The following SLIT2 variants were observed in gnomAD, a reference collection of about 807,000 sequenced individuals.
SLIT2 encodes the protein slit homolog 2 protein.
SLIT2 carries 41 observed loss-of-function variants against 185.7 expected under a neutral mutation model. The observed-to-expected ratio is 0.22, with a 90% CI of 0.17 to 0.29. The LOEUF is 0.29. Ranked by LOEUF, SLIT2 falls within the 10% of genes least tolerant of loss-of-function variation. SLIT2 has a pLI of 1.00. For synonymous variants in SLIT2, 693 were observed against 680.2 expected, an observed-to-expected ratio of 1.02 and a Z score of -0.29; for missense variants, 1,571 against 1,909.0, an observed-to-expected ratio of 0.82 and a Z score of 3.30.
intron 4 of SLIT2, among the ~76,000 whole-genome samples, chr4:20,425,855 G>C (rs979638053): frequency 2.6e-5 from 4 of 152,178 alleles, no homozygotes; most frequent in Non-Finnish European, 5.9e-5. Flanking sequence ...AGCTGCTGCA[G>C]ATTCCATGCT....
chr4:20,436,949 A>AAACTATTC (rs1175556483), intron 4 of SLIT2, among the ~76,000 whole-genome samples: 1 of 152,234 alleles, frequency 6.6e-6, no homozygotes, highest in Non-Finnish European at 1.5e-5. Flanking sequence ...TGGAAAATGC[A>AAACTATTC]AACTATTCAA....
intron 4 of SLIT2, among the ~76,000 whole-genome samples, chr4:20,459,017 C>T (rs140484305): frequency 0.016 from 2,370 of 152,054 alleles, 44 homozygotes; most frequent in South Asian, 0.043. Flanking sequence ...TTTTTATTAA[C>T]AGCAAGAAGT....
chr4:20,349,113 T>C (rs558210305), intron 4 of SLIT2, among the ~76,000 whole-genome samples: 1 of 152,298 alleles, frequency 6.6e-6, no homozygotes, highest in African/African-American at 2.4e-5. Flanking sequence ...ATCTATTACA[T>C]ATAGGAATTC....
At chr4:20,325,052 C>T (rs1317838015) in intron 4 of SLIT2, among the ~76,000 whole-genome samples, 2 of 152,024 alleles carry the variant, frequency 1.3e-5, no homozygotes, top group Non-Finnish European at 2.9e-5. Flanking sequence ...CTCCTTCTCT[C>T]CCTTTCCTTT....
chr4:20,515,925 C>T (rs1427274799), intron 11 of SLIT2, among the ~76,000 whole-genome samples: 1 of 152,178 alleles, frequency 6.6e-6, no homozygotes, highest in African/African-American at 2.4e-5. Flanking sequence ...AACTGATTCT[C>T]CTGCCTCAGC....
At chr4:20,542,992 A>C (rs1722947570) in intron 21 of SLIT2, among the ~76,000 whole-genome samples, 1 of 152,042 alleles carries the variant, frequency 6.6e-6, no homozygotes, top group African/African-American at 2.4e-5. Flanking sequence ...AGCATCTTAC[A>C]AGACTAATGG....
intron 4 of SLIT2, among the ~76,000 whole-genome samples, chr4:20,269,598 G>T (rs1363133591): frequency 6.6e-6 from 1 of 151,908 alleles, no homozygotes; most frequent in Non-Finnish European, 1.5e-5. Flanking sequence ...AAATGACTTT[G>T]TGCAGATGGG....
Position 20,553,871 on chromosome 4 carries a change from G to A in SLIT2, c.2628G>A (p.Ser876=), listed in dbSNP as rs1047677203. 8.7e-6 allele frequency: 14 copies of A among 1,611,292 alleles called. No homozygotes were observed. The highest frequency in any genetic ancestry group is 1.3e-5 in the African/African-American group (1 of 74,630). Residue 876 remains serine (S), a synonymous_variant, in exon 26 of 37, where the codon TCG becomes TCA. Coordinates refer to ENST00000504154, the MANE Select transcript of SLIT2 (RefSeq NM_004787.4). ...NMQWLSDWVK[S]EYKEPGIARC... The stretch of plus-strand genomic sequence containing the variant: ...AGTGGTTATCCGACTGGGTGAAGTC[G>A]GAATATAAGGAGCCTGGAATTGCTC...
At chr4:20,328,544 C>T (rs981709575) in intron 4 of SLIT2, among the ~76,000 whole-genome samples, 5 of 151,726 alleles carry the variant, frequency 3.3e-5, no homozygotes, top group African/African-American at 1.2e-4. Flanking sequence ...GCTCTAATTG[C>T]CAGTTTTGCT....
At chr4:20,554,309 GC>G (rs1190926757) in intron 26 of SLIT2, 1 of 465,446 alleles carries the variant, frequency 2.1e-6, no homozygotes, top group Non-Finnish European at 4.3e-6. Context: ...TGCTCCTAGG[GC>G]TGCCAGGGCC....
At chr4:20,326,217 A>G (rs1719571356) in intron 4 of SLIT2, among the ~76,000 whole-genome samples, 1 of 152,080 alleles carries the variant, frequency 6.6e-6, no homozygotes, top group Non-Finnish European at 1.5e-5. Flanking sequence ...TTAGCTATCT[A>G]TATACTATAT....
At chr4:20,574,625 A>G (rs61790682) in intron 29 of SLIT2, among the ~76,000 whole-genome samples, 41,325 of 151,822 alleles carry the variant, frequency 0.27, 5,991 homozygotes, top group Non-Finnish European at 0.32. Context: ...TGTCTCTACT[A>G]AAAATACAAA....
At chr4:20,379,840 G>T (rs2109338910) in intron 4 of SLIT2, among the ~76,000 whole-genome samples, 1 of 152,220 alleles carries the variant, frequency 6.6e-6, no homozygotes, top group Non-Finnish European at 1.5e-5. Context: ...AAACAGTGCG[G>T]GGAAGGGGAG....
intron 4 of SLIT2, among the ~76,000 whole-genome samples, chr4:20,426,990 T>C (rs1728611255): frequency 6.6e-6 from 1 of 152,156 alleles, no homozygotes; most frequent in Middle Eastern, 3.2e-3. Flanking sequence ...ACCTGCCCTC[T>C]ATAGTCTAAG....
chr4:20,483,183 T>C (rs377369890), intron 6 of SLIT2, among the ~76,000 whole-genome samples: 3 of 152,146 alleles, frequency 2.0e-5, no homozygotes, highest in East Asian at 1.9e-4. Context: ...TTGAGCCATT[T>C]GTGAATGTAT....
At chr4:20,319,262 G>A (rs909470057) in intron 4 of SLIT2, among the ~76,000 whole-genome samples, 3 of 152,060 alleles carry the variant, frequency 2.0e-5, no homozygotes, top group African/African-American at 7.2e-5. Context: ...TAGTTCCTGT[G>A]TTTTCAAATT....
chr4:20,556,362 A>G (rs1251101723), intron 26 of SLIT2, among the ~76,000 whole-genome samples: 1 of 152,026 alleles, frequency 6.6e-6, no homozygotes. Flanking sequence ...TGATTCTGTT[A>G]CACCTTTCTG....
At chr4:20,430,391 G>T (rs1728882087) in intron 4 of SLIT2, among the ~76,000 whole-genome samples, 2 of 152,150 alleles carry the variant, frequency 1.3e-5, no homozygotes, top group African/African-American at 4.8e-5. Context: ...AAATGTTTTT[G>T]AAGACATTAT....
rs1227297157 is a variant in SLIT2 at position 20,567,282 on chromosome 4, C to T, written c.2746C>T (p.Leu916=). 1.9e-6 allele frequency: 3 copies of T among 1,610,120 alleles called. No homozygotes were observed. Among genetic ancestry groups the T allele is most frequent in the Non-Finnish European group, 2.5e-6 (3 of 1,178,356 alleles). The change falls in exon 27 of 37, where the codon CTA becomes TTA. Residue 916 remains leucine, a synonymous_variant. Coordinates refer to ENST00000504154, the MANE Select transcript of SLIT2 (RefSeq NM_004787.4). ...TCQGPVDVNI[L]AKCNPCLSNP... The stretch of plus-strand genomic sequence containing the variant: ...TTCAGGTCCTGTGGATGTCAATATT[C>T]TAGCTAAGTGTAACCCCTGCCTATC...
Sources: allele counts gnomAD v4.1 joint callset (sites outside exome capture counted in the v4.1 genomes callset), GRCh38; gene constraint gnomAD v4.1.1; transcripts MANE v1.5; gene names NCBI Gene and HGNC (gene_info 2026-07-23, HGNC 2026-07-21).